The following GCGR variants were observed in gnomAD, a reference collection of about 807,000 sequenced individuals.
GCGR encodes the protein glucagon receptor.
In GCGR, 41 loss-of-function variants were observed where a neutral mutation model predicts 56.1. The ratio of observed to expected loss-of-function variants is 0.73; its 90% CI spans 0.57 to 0.95. The LOEUF (loss-of-function observed/expected upper bound fraction) is 0.95. GCGR is among the 40% of genes least tolerant of loss of function. The probability of loss-of-function intolerance (pLI) is 0.00; values close to 1 mark genes in which losing one functional copy is unlikely to be tolerated. For missense variants in GCGR, 595 were observed against 638.2 expected (o/e 0.93, Z 0.73); for synonymous variants, 278 against 271.1 (o/e 1.03, Z -0.25).
chr17:81,813,349 G>A lies in GCGR; in HGVS notation c.1219-125G>A. ...GTGGCATAGCTGTGCCCAGCAGGGA[G>A]CTTGTGTCGCTCTGCACCCCTCAGA... On this transcript the variant is annotated intron_variant, in intron 13 of 13. Transcript: ENST00000400723. This position sits in a 1 kb window ranked among gnomAD's most constrained non-coding sequence, Gnocchi z 5.3. The A allele has an allele frequency of 1.0e-6, 1 of 974,440 alleles. No individual in the cohort carries two copies. The highest frequency in any genetic ancestry group is 2.6e-5 in the East Asian group (1 of 38,118). 60.4% of individuals were successfully genotyped at this position (974,440 alleles called of 1,614,324 possible).
At chr17:81,805,597 G>GCATTGGGCACCTCGGGAACCCTCC (rs1568247194) in intron 1 of GCGR, among the ~76,000 whole-genome samples, 1 of 116,942 alleles carries the variant, frequency 8.6e-6, no homozygotes. Context: ...GGGAACCCCC[G>GCATTGGGCACCTCGGGAACCCTCC]CATTGGGCAC....
At position 81,813,582 on chromosome 17, in the gene GCGR, C is replaced by T. The variant is rs1211330325; in HGVS notation, c.1327C>T (p.Pro443Ser). 2.0e-6 allele frequency: 3 copies of T among 1,536,524 alleles called. No individual in the cohort carries two copies. In the Admixed American group the frequency reaches 5.9e-5, roughly 30 times the overall value. ...GGCCTCATCTTCGCCCGGCCACGGC[C>T]CTCCCAGCAAGGAGCTGCAGTTTGG... ...HRASSSPGHG[P>S]PSKELQFGRG... Residue 443 changes from proline to serine, a missense_variant, in exon 14 of 14, where the codon CCT (proline) becomes TCT (serine). Pro to Ser is a moderately conservative substitution (Grantham distance 74, BLOSUM62 -1). Coordinates refer to ENST00000400723, the MANE Select transcript of GCGR (RefSeq NM_000160.5). This position sits in a 1 kb window ranked among gnomAD's most constrained non-coding sequence, Gnocchi z 5.3.
chr17:81,810,550 G>C lies in GCGR; in HGVS notation c.164-275G>C, dbSNP rs994399672. 6.6e-6 allele frequency among the ~76,000 whole-genome samples: 1 copy of C among 152,174 alleles called. No homozygotes were observed. The highest frequency in any genetic ancestry group is 6.5e-5 in the Admixed American group (1 of 15,284). On this transcript the variant is annotated intron_variant, in intron 3 of 13. Coordinates refer to ENST00000400723, the MANE Select transcript of GCGR (RefSeq NM_000160.5). The surrounding 1 kb of genome is among the most constrained non-coding windows in gnomAD (Gnocchi z 4.6). ...GTTTGGGGCACATTTGAGATGGGGG[G>C]TCTCCAAGGGAAGGTGTCCTGCAGA...
rs756740928 is a variant in GCGR, at chr17:81,812,981, G to A, written c.1177-35G>A. ...GCCCGCCGGCTCCCCCGCCCGGGGCGCAGTGTGCCACCCCTGACCACCCTG... is the reference window on the plus strand; with the variant it reads ...GCCCGCCGGCTCCCCCGCCCGGGGCACAGTGTGCCACCCCTGACCACCCTG... On this transcript the variant is annotated intron_variant, in intron 12 of 13. Coordinates refer to ENST00000400723, the MANE Select transcript of GCGR (RefSeq NM_000160.5). The surrounding 1 kb of genome is among the most constrained non-coding windows in gnomAD (Gnocchi z 8.5). The A allele has an allele frequency of 2.1e-4, 329 of 1,536,094 alleles. No individual in the cohort carries two copies. Among genetic ancestry groups the A allele is most frequent in the Middle Eastern group, 1.0e-3 (6 of 5,958 alleles).
In GCGR at chr17:81,813,366, C is replaced by G. The variant is rs1006339410; in HGVS notation, c.1219-108C>G. The G allele has an allele frequency of 5.6e-6, 6 of 1,079,272 alleles. No homozygotes were observed. In the East Asian group the frequency reaches 1.3e-4, roughly 23 times the overall value. 66.9% of individuals were successfully genotyped at this position (1,079,272 alleles called of 1,614,324 possible). On this transcript the variant is annotated intron_variant, in intron 13 of 13. Coordinates refer to ENST00000400723, the MANE Select transcript of GCGR (RefSeq NM_000160.5). This position sits in a 1 kb window ranked among gnomAD's most constrained non-coding sequence, Gnocchi z 5.3. ...AGCAGGGAGCTTGTGTCGCTCTGCA[C>G]CCCTCAGAGCGGAGACTGGGCATCT...
chr17:81,813,173 C>CA lies in GCGR; in HGVS notation c.1218+118dup. On this transcript the variant is annotated intron_variant, in intron 13 of 13. Coordinates refer to ENST00000400723, the MANE Select transcript of GCGR (RefSeq NM_000160.5). The surrounding 1 kb of genome is among the most constrained non-coding windows in gnomAD (Gnocchi z 5.3). ...CCCGGGGGTTGGAACACGTGGGGCC[C>CA]AAGCCTTTCCCTCCCCCTGCTCTTA... 7.0e-7 allele frequency: 1 copy of CA among 1,434,500 alleles called. No individual in the cohort carries two copies. The highest frequency in any genetic ancestry group is 9.5e-7 in the Non-Finnish European group (1 of 1,056,576). 88.9% of individuals were successfully genotyped at this position (1,434,500 alleles called of 1,614,324 possible).
In GCGR at chr17:81,812,624, G is replaced by T. The variant is rs1417385628; in HGVS notation, c.996G>T (p.Lys332Asn). ...GCATCGTTCAGCTGCTCGTGGCCAAGCTGCGGGCACGGCAGATGCACCACA... is the reference window on the plus strand; with the variant it reads ...GCATCGTTCAGCTGCTCGTGGCCAATCTGCGGGCACGGCAGATGCACCACA... Reference protein sequence around the residue: ...FVRIVQLLVAKLRARQMHHTD... With the variant: ...FVRIVQLLVANLRARQMHHTD... Residue 332 changes from lysine to asparagine, a missense_variant, in exon 11 of 14, where the codon AAG (lysine) becomes AAT (asparagine). Coordinates refer to ENST00000400723, the MANE Select transcript of GCGR (RefSeq NM_000160.5). The surrounding 1 kb of genome is among the most constrained non-coding windows in gnomAD (Gnocchi z 8.5). 1 of 1,536,506 alleles carries T rather than the reference G, an allele frequency of 6.5e-7. No homozygotes were observed. Among genetic ancestry groups the T allele is most frequent in the Admixed American group, 2.0e-5 (1 of 50,994 alleles).
chr17:81,810,344 G>T lies in GCGR; in HGVS notation c.163+460G>T. The T allele has an allele frequency of 3.0e-6, 1 of 327,886 alleles. No individual in the cohort carries two copies. Among genetic ancestry groups the T allele is most frequent in the Non-Finnish European group, 5.9e-6 (1 of 170,068 alleles). 20.3% of individuals were successfully genotyped at this position (327,886 alleles called of 1,614,324 possible). ...AGGCAGTGCCTGGGTTCGGATGAGG[G>T]AGGCAGCCACCACTGGGCAGAGGGG... On this transcript the variant is annotated intron_variant, in intron 3 of 13. Coordinates refer to ENST00000400723, the MANE Select transcript of GCGR (RefSeq NM_000160.5). This position sits in a 1 kb window ranked among gnomAD's most constrained non-coding sequence, Gnocchi z 4.6.
At chr17:81,805,643 C>T (rs1320622406) in intron 1 of GCGR, among the ~76,000 whole-genome samples, 1 of 149,906 alleles carries the variant, frequency 6.7e-6, no homozygotes, top group Non-Finnish European at 1.5e-5. Context: ...TCGGGAACCC[C>T]CCTATTGGGC....
At position 81,809,702 on chromosome 17, in the gene GCGR, CCTGTCTGCCTGT is replaced by C. The variant is rs878966307; in HGVS notation, c.61-56_61-45del. 100 of 973,278 alleles carry C rather than the reference CCTGTCTGCCTGT, an allele frequency of 1.0e-4. 1 individual carries two copies. Among genetic ancestry groups the C allele is most frequent in the Admixed American group, 3.0e-4 (13 of 44,028 alleles). The allele number at this position is 973,278 out of a possible 1,614,324, so 60.3% of individuals were successfully genotyped here. A position where few individuals can be genotyped will look rare whatever the true frequency, so the allele number is the denominator to read the frequency against. On this transcript the variant is annotated intron_variant, in intron 2 of 13. Coordinates refer to ENST00000400723, the MANE Select transcript of GCGR (RefSeq NM_000160.5). ...ATCTGCCTATCCATCTACCTGCCTG[CCTGTCTGCCTGT>C]CTGTCTGCCTGTCTGTCTGCCTGCC...
chr17:81,808,934 G>A lies in GCGR; in HGVS notation c.-85G>A. ...CTGCTCTGCCACTCAGCTGCCCTCG[G>A]AGGAGCGTACACACCCACCAGGACT... On this transcript the variant is annotated 5_prime_UTR_variant, in exon 2 of 14. Transcript: ENST00000400723. 1 of 1,490,762 alleles carries A rather than the reference G, an allele frequency of 6.7e-7. No individual in the cohort carries two copies. Among genetic ancestry groups the A allele is most frequent in the Non-Finnish European group, 9.0e-7 (1 of 1,107,104 alleles). The allele number at this position is 1,490,762 out of a possible 1,614,324, so 92.3% of individuals were successfully genotyped here. A position where few individuals can be genotyped will look rare whatever the true frequency, so the allele number is the denominator to read the frequency against.
In GCGR at chr17:81,811,880, C is replaced by T. The variant is rs1471734270; in HGVS notation, c.818-6C>T. On this transcript the variant is annotated splice_region_variant and splice_polypyrimidine_tract_variant and intron_variant, in intron 8 of 13. Coordinates refer to ENST00000400723, the MANE Select transcript of GCGR (RefSeq NM_000160.5). The surrounding 1 kb of genome is among the most constrained non-coding windows in gnomAD (Gnocchi z 5.8). ...CCTTTGGGACCACAGCTGCTGCCCC[C>T]CACAGGTGCCCCCATGCTGTTCGTC... The T allele has an allele frequency of 3.9e-6, 6 of 1,537,016 alleles. No individual in the cohort carries two copies. The Admixed American group carries it at 9.8e-5, about 25-fold the overall frequency.
At position 81,811,565 on chromosome 17, in the gene GCGR, G is replaced by A; in HGVS notation, c.657+5G>A. ...AGCACCTGGCTCAGTGATGGAGTGA[G>A]CCCCCCTCGGCGGCCCCAGGCAGGT... On this transcript the variant is annotated splice_donor_5th_base_variant and intron_variant, in intron 7 of 13. Coordinates refer to ENST00000400723, the MANE Select transcript of GCGR (RefSeq NM_000160.5). The surrounding 1 kb of genome is among the most constrained non-coding windows in gnomAD (Gnocchi z 5.8). 2.0e-6 allele frequency: 3 copies of A among 1,536,300 alleles called. No homozygotes were observed. Among genetic ancestry groups the A allele is most frequent in the Non-Finnish European group, 2.6e-6 (3 of 1,146,822 alleles).
chr17:81,813,050 A>T lies in GCGR; in HGVS notation c.1211A>T (p.Asn404Ile). 1 of 1,536,064 alleles carries T rather than the reference A, an allele frequency of 6.5e-7. No individual in the cohort carries two copies. The highest frequency in any genetic ancestry group is 1.8e-4 in the Middle Eastern group (1 of 5,696). The change falls in exon 13 of 14, where the codon AAC becomes ATC. Residue 404 changes from asparagine (N) to isoleucine (I), a missense_variant. Transcript: ENST00000400723. This position sits in a 1 kb window ranked among gnomAD's most constrained non-coding sequence, Gnocchi z 5.3. ...LLVAVLYCFL[N>I]KEVQSELRRR... is the part of the protein sequence containing the mutation. ...GTGGCTGTCCTCTACTGCTTCCTCAACAAGGAGGTAGGTGGGAGTGGGGGC... is the reference window on the plus strand; with the variant it reads ...GTGGCTGTCCTCTACTGCTTCCTCATCAAGGAGGTAGGTGGGAGTGGGGGC...
At position 81,809,043 on chromosome 17, in the gene GCGR, C is replaced by A; in HGVS notation, c.25C>A (p.Pro9Thr). Reference sequence around the variant, plus strand: ...CATGCCCCCCTGCCAGCCACAGCGACCCCTGCTGCTGTTGCTGCTGCTGCT... The same window carrying A: ...CATGCCCCCCTGCCAGCCACAGCGAACCCTGCTGCTGTTGCTGCTGCTGCT... Reference protein sequence around the residue: MPPCQPQRPLLLLLLLLAC... With the variant: MPPCQPQRTLLLLLLLLAC... Residue 9 changes from proline to threonine, a missense_variant, in exon 2 of 14, where the codon CCC (proline) becomes ACC (threonine). Pro to Thr is a conservative substitution (Grantham distance 38). Coordinates refer to ENST00000400723, the MANE Select transcript of GCGR (RefSeq NM_000160.5). 6.5e-7 allele frequency: 1 copy of A among 1,536,218 alleles called. No individual in the cohort carries two copies.
chr17:81,810,868 G>C lies in GCGR; in HGVS notation c.207G>C (p.Pro69=). The C allele has an allele frequency of 6.5e-7, 1 of 1,536,258 alleles. No individual in the cohort carries two copies. The highest frequency in any genetic ancestry group is 8.7e-7 in the Non-Finnish European group (1 of 1,146,772). The change falls in exon 4 of 14, where the codon CCG becomes CCC. Residue 69 remains proline, a synonymous_variant. Coordinates refer to ENST00000400723, the MANE Select transcript of GCGR (RefSeq NM_000160.5). The surrounding 1 kb of genome is among the most constrained non-coding windows in gnomAD (Gnocchi z 4.6). The part of the protein sequence containing the change: ...NRTFDKYSCW[P]DTPANTTANI... The stretch of plus-strand genomic sequence containing the variant: ...CCTTCGACAAGTATTCCTGCTGGCC[G>C]GACACCCCCGCCAATACCACGGCCA...
At chr17:81,807,738 C>T (rs942819857) in intron 1 of GCGR, among the ~76,000 whole-genome samples, 1 of 152,256 alleles carries the variant, frequency 6.6e-6, no homozygotes, top group Non-Finnish European at 1.5e-5. Flanking sequence ...CGCACATGCA[C>T]GTGGACCCAC....
In GCGR at chr17:81,811,354, G is replaced by A. The variant is rs148199810; in HGVS notation, c.500+26G>A. 1.4e-3 allele frequency: 2,108 copies of A among 1,534,466 alleles called. 26 individuals carry two copies. In the African/African-American group the frequency reaches 0.025, roughly 18 times the overall value. On this transcript the variant is annotated intron_variant, in intron 6 of 13. Transcript: ENST00000400723. The surrounding 1 kb of genome is among the most constrained non-coding windows in gnomAD (Gnocchi z 5.8). ...GTAGGATTCCGCCAGCGCCCGGGGCGGCCGCAGAGGACAGGGAGGAGGACG... is the reference window on the plus strand; with the variant it reads ...GTAGGATTCCGCCAGCGCCCGGGGCAGCCGCAGAGGACAGGGAGGAGGACG...
rs2038052643 is a variant in GCGR, at chr17:81,809,713, GT to G, written c.61-68del. On this transcript the variant is annotated intron_variant, in intron 2 of 13. Coordinates refer to ENST00000400723, the MANE Select transcript of GCGR (RefSeq NM_000160.5). ...CATCTACCTGCCTGCCTGTCTGCCT[GT>G]CTGTCTGCCTGTCTGTCTGCCTGCC... 30 of 1,251,308 alleles carry G rather than the reference GT, an allele frequency of 2.4e-5. No homozygotes were observed. In the Admixed American group the frequency reaches 4.8e-4, roughly 20 times the overall value. The allele number at this position is 1,251,308 out of a possible 1,614,324, so 77.5% of individuals were successfully genotyped here. A position where few individuals can be genotyped will look rare whatever the true frequency, so the allele number is the denominator to read the frequency against.
Sources: gnomAD v4.1 joint callset for allele counts (sites outside exome capture counted in the v4.1 genomes callset) on GRCh38, gnomAD v4.1.1 for gene constraint, Gnocchi (gnomAD v3.1) non-coding constraint, MANE v1.5 for transcripts, NCBI Gene and HGNC (gene_info 2026-07-23, HGNC 2026-07-21) for gene names.